DOCK3: variants seen among roughly 807,000 people sequenced by gnomAD.
DOCK3 encodes dedicator of cytokinesis protein 3.
DOCK3 carries 60 observed loss-of-function variants against 265.6 expected under a neutral mutation model. The observed-to-expected ratio is 0.23, with a 90% CI of 0.18 to 0.28. The LOEUF is 0.28. DOCK3 is among the 10% of genes least tolerant of loss of function. The pLI is 1.00. For missense variants in DOCK3, 1,981 were observed against 2,594.3 expected (o/e 0.76, Z 5.14); for synonymous variants, 881 against 938.0 (o/e 0.94, Z 1.11).
chr3:51,321,806 C>T (rs2083747506), intron 32 of DOCK3, among the ~76,000 whole-genome samples: 1 of 152,054 alleles, frequency 6.6e-6, no homozygotes, highest in Non-Finnish European at 1.5e-5. Context: ...ATGAACAAAG[C>T]CTCCAAGAAA....
intron 7 of DOCK3, among the ~76,000 whole-genome samples, chr3:51,075,943 G>C (rs1267935116): frequency 6.6e-6 from 1 of 152,020 alleles, no homozygotes; most frequent in South Asian, 2.1e-4. Context: ...ATAAATGAAG[G>C]GTACAATATT....
At chr3:50,948,435 G>C (rs1379150542) in intron 5 of DOCK3, among the ~76,000 whole-genome samples, 2 of 118,600 alleles carry the variant, frequency 1.7e-5, no homozygotes, top group Admixed American at 1.2e-4. Context: ...TCAGAGTCTC[G>C]CTCTGACTCC....
intron 1 of DOCK3, among the ~76,000 whole-genome samples, chr3:50,710,601 A>T (rs2036696949): frequency 6.6e-6 from 1 of 152,242 alleles, no homozygotes; most frequent in South Asian, 2.1e-4. Flanking sequence ...AACAGAATGG[A>T]GATTCCTTAA....
intron 2 of DOCK3, among the ~76,000 whole-genome samples, chr3:50,796,692 A>G (rs979398232): frequency 1.3e-5 from 2 of 151,980 alleles, no homozygotes; most frequent in Non-Finnish European, 2.9e-5. Flanking sequence ...TGTCAGAGTT[A>G]TTGCACTGAT....
At chr3:51,277,065 A>G (rs935553302) in intron 25 of DOCK3, among the ~76,000 whole-genome samples, 2 of 152,170 alleles carry the variant, frequency 1.3e-5, no homozygotes, top group Non-Finnish European at 2.9e-5. Flanking sequence ...AGGCATATCT[A>G]GGCAGCAGTC....
intron 22 of DOCK3, among the ~76,000 whole-genome samples, chr3:51,251,740 C>G (rs4309718): frequency 6.7e-6 from 1 of 148,268 alleles, no homozygotes; most frequent in Admixed American, 6.7e-5. Flanking sequence ...TGTTTAAGTT[C>G]TTTGTAGATT....
intron 6 of DOCK3, among the ~76,000 whole-genome samples, chr3:51,070,775 C>A (rs1391369950): frequency 6.6e-6 from 1 of 152,144 alleles, no homozygotes; most frequent in Non-Finnish European, 1.5e-5. Flanking sequence ...GGCTGCACAT[C>A]AGGAGGTGAG....
intron 5 of DOCK3, among the ~76,000 whole-genome samples, chr3:50,977,142 C>T (rs2108517199): frequency 6.6e-6 from 1 of 151,454 alleles, no homozygotes; most frequent in African/African-American, 2.4e-5. Flanking sequence ...AGTCCATTTA[C>T]ATTTAAAGTT....
At chr3:50,819,201 T>A (rs936847260) in intron 2 of DOCK3, among the ~76,000 whole-genome samples, 4 of 152,164 alleles carry the variant, frequency 2.6e-5, no homozygotes, top group Non-Finnish European at 4.4e-5. Context: ...TGCTATAGAT[T>A]TTTTGCTTGA....
In DOCK3 at chr3:51,281,303, A is replaced by C. The variant is rs1040516796; in HGVS notation, c.2922+1099A>C. 1.6e-4 allele frequency among the ~76,000 whole-genome samples: 23 copies of C among 143,516 alleles called. No homozygotes were observed. The Middle Eastern group carries it at 0.011, about 67-fold the overall frequency. The allele number at this position is 143,516 out of a possible 152,430, so 94.2% of individuals were successfully genotyped here. A position where few individuals can be genotyped will look rare whatever the true frequency, so the allele number is the denominator to read the frequency against. On this transcript the variant is annotated intron_variant, in intron 27 of 52. Coordinates refer to ENST00000266037, the MANE Select transcript of DOCK3 (RefSeq NM_004947.5). ...TATATATATATATATATATATATAT[A>C]TATCTCATAATATTTTAAGGAAGTT...
chr3:50,866,391 A>G (rs567494944), intron 3 of DOCK3, among the ~76,000 whole-genome samples: 1 of 152,094 alleles, frequency 6.6e-6, no homozygotes, highest in Non-Finnish European at 1.5e-5. Context: ...AGGCTGAGGC[A>G]GAAGAATCCC....
chr3:51,012,449 G>A (rs373611879), intron 5 of DOCK3, among the ~76,000 whole-genome samples: 68 of 152,322 alleles, frequency 4.5e-4, no homozygotes, highest in African/African-American at 1.6e-3. Context: ...CTCCAAGCCA[G>A]GCACAGGATA....
chr3:50,998,554 C>A (rs2078362579), intron 5 of DOCK3, among the ~76,000 whole-genome samples: 1 of 152,014 alleles, frequency 6.6e-6, no homozygotes, highest in Non-Finnish European at 1.5e-5. Context: ...CCTGGTATAC[C>A]CAAGGCCATG....
intron 21 of DOCK3, among the ~76,000 whole-genome samples, chr3:51,241,136 T>C (rs1042157772): frequency 1.3e-5 from 2 of 152,218 alleles, no homozygotes; most frequent in African/African-American, 4.8e-5. Context: ...ACAAATTCCT[T>C]CAGCATTTGG....
At chr3:50,965,615 A>AT (rs1210495982) in intron 5 of DOCK3, among the ~76,000 whole-genome samples, 22 of 152,176 alleles carry the variant, frequency 1.4e-4, no homozygotes, top group African/African-American at 5.1e-4. Flanking sequence ...GTATATAATA[A>AT]CTGTAATATA....
At chr3:50,959,810 GACC>G (rs1249609580) in intron 5 of DOCK3, among the ~76,000 whole-genome samples, 2 of 152,066 alleles carry the variant, frequency 1.3e-5, no homozygotes, top group Non-Finnish European at 1.5e-5. Context: ...TCGATCTCCT[GACC>G]TCGTGATCTG....
intron 7 of DOCK3, among the ~76,000 whole-genome samples, chr3:51,088,340 G>A (rs1213882261): frequency 6.6e-6 from 1 of 152,172 alleles, no homozygotes; most frequent in Admixed American, 6.5e-5. Context: ...AAGTTCTCGT[G>A]TTTGATAGCA....
intron 22 of DOCK3, among the ~76,000 whole-genome samples, chr3:51,252,845 A>G (rs1202719846): frequency 6.6e-6 from 1 of 152,072 alleles, no homozygotes; most frequent in African/African-American, 2.4e-5. Context: ...CTAATTCAAT[A>G]CCCTTTATTT....
intron 1 of DOCK3, among the ~76,000 whole-genome samples, chr3:50,689,907 C>A (rs953963756): frequency 6.6e-6 from 1 of 152,048 alleles, no homozygotes. Flanking sequence ...AATATTTCTC[C>A]CATTCTGTGG....
Sources: allele counts gnomAD v4.1 joint callset (sites outside exome capture counted in the v4.1 genomes callset), GRCh38; gene constraint gnomAD v4.1.1; transcripts MANE v1.5; gene names NCBI Gene and HGNC (gene_info 2026-07-23, HGNC 2026-07-21).